Variants in MICB observed in about 807,000 individuals in gnomAD.
The protein encoded by MICB is MHC class I polypeptide-related sequence B, also known as MHC class I antigen-related protein B.
A neutral mutation model predicts 34.3 loss-of-function variants in MICB; 27 were observed. The observed-to-expected ratio is 0.79, with a 90% confidence interval of 0.58 to 1.08. The LOEUF (loss-of-function observed/expected upper bound fraction) is 1.08, where lower values mean the gene tolerates loss of function less well. Ranked by LOEUF, MICB falls within the 50% of genes least tolerant of loss-of-function variation. The pLI is 0.00. For synonymous variants in MICB, 153 were observed against 187.4 expected (o/e 0.82, Z 1.50); for missense variants, 426 against 483.1 (o/e 0.88, Z 1.11).
intron 1 of MICB, among the ~76,000 whole-genome samples, chr6:31,503,987 G>GTGTGTGTGTGT (rs1397506268): frequency 7.2e-6 from 1 of 139,242 alleles, no homozygotes; most frequent in African/African-American, 2.8e-5. Context: ...GTGTGTGTGT[G>GTGTGTGTGTGT]ATAATAGCCA....
chr6:31,504,099 A>G (rs1282887314), intron 1 of MICB, among the ~76,000 whole-genome samples: 8 of 146,838 alleles, frequency 5.4e-5, no homozygotes, highest in Non-Finnish European at 6.1e-5. Context: ...GATCATTTGT[A>G]TATTTTCTTT....
intron 2 of MICB, 82 bp from the exon 3 acceptor site, chr6:31,506,061 G>C (rs1275455142): frequency 6.0e-6 from 9 of 1,508,044 alleles, no homozygotes; most frequent in South Asian, 5.3e-5. Context: ...GCCAGGGAGG[G>C]GTCGCTGCTG....
chr6:31,507,526 G>C lies in MICB; in HGVS notation c.1019G>C (p.Gly340Ala), dbSNP rs374212282. The change falls in exon 5 of 6, where the codon GGT becomes GCT. Residue 340 changes from glycine to alanine, a missense_variant. Transcript: ENST00000252229. This position sits in a 1 kb window ranked among gnomAD's most constrained non-coding sequence, Gnocchi z 6.0. ...CCKKKTSAAE[G>A]PELVSLQVLD... is the part of the protein sequence containing the mutation. The stretch of plus-strand genomic sequence containing the variant: ...AAGAAGAAAACATCAGCGGCAGAGG[G>C]TCCAGGTGAGAAAAGGGGACAGTTT... 25 of 1,614,038 alleles carry C rather than the reference G, an allele frequency of 1.5e-5. No homozygotes were observed. Among genetic ancestry groups the C allele is most frequent in the Non-Finnish European group, 1.8e-5 (21 of 1,180,030 alleles).
intron 2 of MICB, 136 bp downstream of exon 2, chr6:31,506,007 G>T: frequency 6.8e-7 from 1 of 1,470,316 alleles, no homozygotes; most frequent in Non-Finnish European, 9.1e-7. Flanking sequence ...GCTCAGCAGG[G>T]TGGTGAGCCG....
In MICB at chr6:31,506,281, C is replaced by T; in HGVS notation, c.464C>T (p.Ser155Phe). 6.2e-7 allele frequency: 1 copy of T among 1,614,194 alleles called. No individual in the cohort carries two copies. The highest frequency in any genetic ancestry group is 8.5e-7 in the Non-Finnish European group (1 of 1,180,032). ...ACTCAAGAATCGACAGTGCCCCAGT[C>T]CTCCAGAGCTCAGACCTTGGCTATG... Reference protein sequence around the residue: ...LETQESTVPQSSRAQTLAMNV... With the variant: ...LETQESTVPQFSRAQTLAMNV... Residue 155 changes from serine to phenylalanine, a missense_variant, in exon 3 of 6, where the codon TCC becomes TTC. By Grantham distance (155) the Ser-to-Phe change is radical. Coordinates refer to ENST00000252229, the MANE Select transcript of MICB (RefSeq NM_005931.5).
Position 31,507,997 on chromosome 6 carries a change from G to A in MICB, c.1024+466G>A, listed in dbSNP as rs144994973. 3.3e-5 allele frequency among the ~76,000 whole-genome samples: 5 copies of A among 152,132 alleles called. No individual in the cohort carries two copies. The highest frequency in any genetic ancestry group is 7.4e-5 in the Non-Finnish European group (5 of 67,992). ...ATCCAAGGAGAGGCGATGCCCACCC[G>A]TGTGCCTCCTCCAGGAGGCACTTTC... On this transcript the variant is annotated intron_variant, in intron 5 of 5. Transcript: ENST00000252229. This position sits in a 1 kb window ranked among gnomAD's most constrained non-coding sequence, Gnocchi z 6.0.
At chr6:31,509,081 G>A (rs1041704779) in intron 5 of MICB, among the ~76,000 whole-genome samples, 1 of 152,184 alleles carries the variant, frequency 6.6e-6, no homozygotes, top group Non-Finnish European at 1.5e-5. Flanking sequence ...AGCAGCCCTG[G>A]GGTGAAGTAA....
chr6:31,505,753 G>A lies in MICB; in HGVS notation c.207G>A (p.Gln69=). 1.9e-6 allele frequency: 3 copies of A among 1,613,234 alleles called. No individual in the cohort carries two copies. The highest frequency in any genetic ancestry group is 2.5e-6 in the Non-Finnish European group (3 of 1,180,042). The change falls in exon 2 of 6, where the codon CAG becomes CAA. Residue 69 remains glutamine (Q), a synonymous_variant. Transcript: ENST00000252229. The part of the protein sequence containing the change: ...YDRQKRRAKP[Q]GQWAENVLGA... ...GGCAGAAACGCAGGGCAAAGCCCCAGGGACAGTGGGCAGAAAATGTCCTGG... is the reference window on the plus strand; with the variant it reads ...GGCAGAAACGCAGGGCAAAGCCCCAAGGACAGTGGGCAGAAAATGTCCTGG...
At chr6:31,494,987 G>A (rs114115473), upstream of MICB, 1,148 of 85,240 alleles carry the variant, frequency 0.013, 12 homozygotes, top group African/African-American at 0.038. Context: ...GTGAGTCCAG[G>A]GATCTAAGGC....
chr6:31,496,983 T>C (rs768338069), upstream of MICB, among the ~76,000 whole-genome samples: 1 of 152,008 alleles, frequency 6.6e-6, no homozygotes, highest in African/African-American at 2.4e-5. Context: ...GACAATAGAT[T>C]GTGGGAGCTA....
At chr6:31,498,387 G>C in intron 1 of MICB, 124 bp downstream of exon 1, 1 of 620,374 alleles carries the variant, frequency 1.6e-6, no homozygotes, top group African/African-American at 2.0e-5. Context: ...CTGGAGTGCA[G>C]GGAGCTGGAC....
Position 31,505,890 on chromosome 6 carries a change from A to G in MICB, c.325+19A>G. On this transcript the variant is annotated intron_variant, in intron 2 of 5. Transcript: ENST00000252229. Reference sequence around the variant, plus strand: ...AAAGGAGGTGAGAGTCGGCAGGGGCAAGAGTAATGGGAGGCCTTCTCCAGG... The same window carrying G: ...AAAGGAGGTGAGAGTCGGCAGGGGCGAGAGTAATGGGAGGCCTTCTCCAGG... 1.9e-6 allele frequency: 3 copies of G among 1,581,622 alleles called. No individual in the cohort carries two copies. Among genetic ancestry groups the G allele is most frequent in the Non-Finnish European group, 2.6e-6 (3 of 1,163,326 alleles).
Position 31,507,677 on chromosome 6 carries a change from G to A in MICB, c.1024+146G>A. Reference sequence around the variant, plus strand: ...TGGGGTATTTGGGAGGGGAATGGGAGCTGCATCTCCATCTACACCCATAAG... The same window carrying A: ...TGGGGTATTTGGGAGGGGAATGGGAACTGCATCTCCATCTACACCCATAAG... On this transcript the variant is annotated intron_variant, in intron 5 of 5. Coordinates refer to ENST00000252229, the MANE Select transcript of MICB (RefSeq NM_005931.5). The surrounding 1 kb of genome is among the most constrained non-coding windows in gnomAD (Gnocchi z 6.0). 3.1e-6 allele frequency: 3 copies of A among 971,052 alleles called. No homozygotes were observed. Among genetic ancestry groups the A allele is most frequent in the Non-Finnish European group, 4.6e-6 (3 of 657,046 alleles). The allele number at this position is 971,052 out of a possible 1,614,324, so 60.2% of individuals were successfully genotyped here. A position where few individuals can be genotyped will look rare whatever the true frequency, so the allele number is the denominator to read the frequency against.
In MICB at chr6:31,506,367, C is replaced by T. The variant is rs1414877170; in HGVS notation, c.550C>T (p.Gln184Ter). Residue 184 changes from glutamine to a stop codon, truncating the protein, a stop_gained, in exon 3 of 6, where the codon CAG becomes TAG. Coordinates refer to ENST00000252229, the MANE Select transcript of MICB (RefSeq NM_005931.5). LOFTEE classifies it high-confidence loss of function. Reference sequence around the variant, plus strand: ...GACCAAGACACACTATCGCGCTATGCAGGCAGACTGCCTGCAGAAACTACA... The same window carrying T: ...GACCAAGACACACTATCGCGCTATGTAGGCAGACTGCCTGCAGAAACTACA... ...MKTKTHYRAM[Q>*]ADCLQKLQRY... 1 of 1,614,076 alleles carries T rather than the reference C, an allele frequency of 6.2e-7. No individual in the cohort carries two copies. The highest frequency in any genetic ancestry group is 1.3e-5 in the African/African-American group (1 of 74,918).
upstream of MICB, chr6:31,497,978 T>C: frequency 3.0e-6 from 1 of 333,428 alleles, no homozygotes. Context: ...TCCCGCCTTC[T>C]AAATTTCCCC....
Position 31,507,023 on chromosome 6 carries a change from GC to G in MICB, c.621del (p.Met208TrpfsTer2). The G allele has an allele frequency of 6.2e-7, 1 of 1,612,492 alleles. No individual in the cohort carries two copies. The highest frequency in any genetic ancestry group is 1.1e-5 in the South Asian group (1 of 90,858). On this transcript the variant is annotated frameshift_variant and splice_region_variant, in exon 4 of 6. Coordinates refer to ENST00000252229, the MANE Select transcript of MICB (RefSeq NM_005931.5). LOFTEE classifies it high-confidence loss of function. This position sits in a 1 kb window ranked among gnomAD's most constrained non-coding sequence, Gnocchi z 6.0. ...KSGVAIRRTV[P>X]PMVNVTCSEV... ...CTGGCTCTGCCCTTTCTTCTCCAGT[GC>G]CCCCCATGGTGAATGTCACCTGCAG...
intron 1 of MICB, 91 bp from the exon 2 acceptor site, chr6:31,505,526 C>T: frequency 6.4e-7 from 1 of 1,551,660 alleles, no homozygotes; most frequent in Non-Finnish European, 8.7e-7. Context: ...CCTGCCTCCT[C>T]AGGGAGGTCG....
chr6:31,506,354 C>G lies in MICB; in HGVS notation c.537C>G (p.His179Gln). 6.2e-7 allele frequency: 1 copy of G among 1,614,204 alleles called. No homozygotes were observed. Among genetic ancestry groups the G allele is most frequent in the Non-Finnish European group, 8.5e-7 (1 of 1,180,038 alleles). ...WKEDAMKTKT[H>Q]YRAMQADCLQ... ...AAGATGCCATGAAGACCAAGACACA[C>G]TATCGCGCTATGCAGGCAGACTGCC... Residue 179 changes from histidine (H) to glutamine (Q), a missense_variant, in exon 3 of 6, where the codon CAC becomes CAG. Physicochemically the swap from His to Gln is conservative, Grantham distance 24. Coordinates refer to ENST00000252229, the MANE Select transcript of MICB (RefSeq NM_005931.5).
At chr6:31,501,463 T>G (rs1370426557) in intron 1 of MICB, among the ~76,000 whole-genome samples, 2 of 152,236 alleles carry the variant, frequency 1.3e-5, no homozygotes, top group Non-Finnish European at 2.9e-5. Flanking sequence ...GCATTTTTAC[T>G]TTGGTTGCCT....
Sources: gnomAD v4.1 joint callset for allele counts (sites outside exome capture counted in the v4.1 genomes callset) on GRCh38, gnomAD v4.1.1 for gene constraint, Gnocchi (gnomAD v3.1) non-coding constraint, MANE v1.5 for transcripts, NCBI Gene and HGNC (gene_info 2026-07-23, HGNC 2026-07-21) for gene names.